SLC24A2: variants seen among roughly 807,000 people sequenced by gnomAD.
The protein encoded by SLC24A2 is solute carrier family 24 member 2.
In SLC24A2, 36 loss-of-function variants were observed where a neutral mutation model predicts 62.0. The observed-to-expected ratio is 0.58, with a 90% CI of 0.44 to 0.77. The LOEUF (loss-of-function observed/expected upper bound fraction) is 0.77. Ranked by LOEUF, SLC24A2 falls within the 30% of genes least tolerant of loss-of-function variation. The pLI, the probability that SLC24A2 is intolerant of heterozygous loss-of-function variation, is 0.00. For synonymous variants in SLC24A2, 358 were observed against 294.0 expected, an observed-to-expected ratio of 1.22 and a Z score of -2.23; for missense variants, 846 against 817.9, an observed-to-expected ratio of 1.03 and a Z score of -0.42.
intron 4 of SLC24A2, among the ~76,000 whole-genome samples, chr9:19,608,793 T>TAC (rs111384476): frequency 3.5e-3 from 516 of 145,966 alleles, no homozygotes; most frequent in South Asian, 0.018. Context: ...CACACACACA[T>TAC]ACACACACAC....
the SLC24A2 span, among the ~76,000 whole-genome samples, chr9:20,051,776 G>C: frequency 1.3e-5 from 2 of 148,392 alleles, no homozygotes; most frequent in Non-Finnish European, 3.0e-5. Flanking sequence ...TTGGTGAGCT[G>C]TTAATTTTTA....
the SLC24A2 span, among the ~76,000 whole-genome samples, chr9:20,175,149 T>C: frequency 5.7e-4 from 87 of 151,984 alleles, no homozygotes; most frequent in Middle Eastern, 6.8e-3. Context: ...AAATCAAACA[T>C]TGTATGTTCT....
At chr9:19,612,213 G>C (rs1019682323) in intron 4 of SLC24A2, among the ~76,000 whole-genome samples, 1 of 152,176 alleles carries the variant, frequency 6.6e-6, no homozygotes, top group Non-Finnish European at 1.5e-5. Context: ...GAGCAAGCAA[G>C]ATTCTATACT....
At chr9:20,094,347 A>C in the SLC24A2 span, among the ~76,000 whole-genome samples, 40 of 152,336 alleles carry the variant, frequency 2.6e-4, no homozygotes, top group African/African-American at 9.1e-4. Context: ...TAAATTAAAC[A>C]ATTATTTGTC....
chr9:19,793,073 T>C (rs528128420), upstream of SLC24A2, among the ~76,000 whole-genome samples: 130 of 152,346 alleles, frequency 8.5e-4, no homozygotes, highest in African/African-American at 3.1e-3. Context: ...AGCCCTGCGC[T>C]TGGCATTTTG....
At chr9:20,107,079 G>A in the SLC24A2 span, among the ~76,000 whole-genome samples, 2 of 151,832 alleles carry the variant, frequency 1.3e-5, no homozygotes, top group Admixed American at 6.6e-5. Flanking sequence ...AGCCATGAGT[G>A]AATTCCCATT....
intron 2 of SLC24A2, among the ~76,000 whole-genome samples, chr9:19,716,998 C>T (rs1820879357): frequency 6.6e-6 from 1 of 152,198 alleles, no homozygotes; most frequent in African/African-American, 2.4e-5. Context: ...CCCCATCAAA[C>T]ATAGTTCAGT....
At chr9:20,002,576 T>C in the SLC24A2 span, among the ~76,000 whole-genome samples, 5 of 152,172 alleles carry the variant, frequency 3.3e-5, no homozygotes, top group Non-Finnish European at 7.3e-5. Context: ...AATGTCCCAC[T>C]GCTGGTACAT....
chr9:20,153,114 A>C, the SLC24A2 span, among the ~76,000 whole-genome samples: 1 of 151,918 alleles, frequency 6.6e-6, no homozygotes, highest in Admixed American at 6.6e-5. Context: ...AAAATTACCC[A>C]AGTCCCTATA....
At chr9:19,986,545 A>G in the SLC24A2 span, among the ~76,000 whole-genome samples, 2 of 151,598 alleles carry the variant, frequency 1.3e-5, no homozygotes, top group Non-Finnish European at 2.9e-5. Flanking sequence ...CCAAATGTCC[A>G]TCAGCAGATA....
the SLC24A2 span, among the ~76,000 whole-genome samples, chr9:19,954,159 T>G: frequency 6.6e-6 from 1 of 152,134 alleles, no homozygotes; most frequent in Admixed American, 6.5e-5. Flanking sequence ...AAATGATACA[T>G]TTGTATTTAA....
the SLC24A2 span, among the ~76,000 whole-genome samples, chr9:19,837,737 A>G: frequency 1.3e-5 from 2 of 152,080 alleles, no homozygotes; most frequent in African/African-American, 4.8e-5. Context: ...ATACAAAATC[A>G]ATGTGCAAAA....
At chr9:19,713,511 C>T (rs1820774501) in intron 2 of SLC24A2, among the ~76,000 whole-genome samples, 1 of 152,114 alleles carries the variant, frequency 6.6e-6, no homozygotes, top group African/African-American at 2.4e-5. Context: ...AGTTTGAGAC[C>T]TAAAATTGCG....
the SLC24A2 span, among the ~76,000 whole-genome samples, chr9:20,052,243 C>T: frequency 6.6e-6 from 1 of 152,130 alleles, no homozygotes; most frequent in Admixed American, 6.5e-5. Flanking sequence ...GTCATGTTTG[C>T]ACTTGCTGAA....
chr9:19,749,822 A>G (rs1471502635), intron 2 of SLC24A2, among the ~76,000 whole-genome samples: 2 of 152,220 alleles, frequency 1.3e-5, no homozygotes, highest in Non-Finnish European at 2.9e-5. Flanking sequence ...AGCAGCAGCT[A>G]GTCCATATGC....
At chr9:19,928,676 A>G in the SLC24A2 span, 1 of 152,194 alleles carries the variant, frequency 6.6e-6, no homozygotes, top group Non-Finnish European at 1.5e-5. Context: ...ATTTCATGTA[A>G]TCCTGAGAAC....
chr9:19,947,001 C>G, the SLC24A2 span, among the ~76,000 whole-genome samples: 1 of 152,322 alleles, frequency 6.6e-6, no homozygotes, highest in East Asian at 1.9e-4. Context: ...AAACCCCTGT[C>G]AATAGCAAGC....
chr9:19,816,215 C>T, the SLC24A2 span, among the ~76,000 whole-genome samples: 3 of 152,060 alleles, frequency 2.0e-5, no homozygotes, highest in Non-Finnish European at 4.4e-5. Flanking sequence ...CTTTCCTCCA[C>T]ATGGTTATTC....
At chr9:19,904,609 A>G in the SLC24A2 span, among the ~76,000 whole-genome samples, 2 of 152,224 alleles carry the variant, frequency 1.3e-5, no homozygotes, top group African/African-American at 2.4e-5. Context: ...GGGAAAATAG[A>G]GACTACTTTC....
Sources: gnomAD v4.1 joint callset for allele counts (sites outside exome capture counted in the v4.1 genomes callset) on GRCh38, gnomAD v4.1.1 for gene constraint, MANE v1.5 for transcripts, NCBI Gene and HGNC (gene_info 2026-07-23, HGNC 2026-07-21) for gene names.